FAM83F: variants seen among roughly 807,000 people sequenced by gnomAD.
The protein encoded by FAM83F is scaffolding CK1 anchoring protein F.
A neutral mutation model predicts 42.9 loss-of-function variants in FAM83F; 45 were observed. The ratio of observed to expected loss-of-function variants is 1.05; its 90% CI spans 0.83 to 1.35. The LOEUF is 1.35. FAM83F is among the 40% of genes most tolerant of loss of function. The pLI is 0.00. For missense variants in FAM83F, 617 were observed against 695.9 expected, an observed-to-expected ratio of 0.89 and a Z score of 1.28; for synonymous variants, 306 against 298.3, an observed-to-expected ratio of 1.03 and a Z score of -0.27.
rs938602620 is a variant in FAM83F, at chr22:40,035,226, A to G, written c.*5661A>G. On this transcript the variant is annotated 3_prime_UTR_variant, in exon 5 of 5. Coordinates refer to ENST00000333407, the MANE Select transcript of FAM83F (RefSeq NM_138435.4). ...AAAGCAGCTTTAGGAGCAGATGTCCACGTAATAGAAGGAGATGGGCTAGGG... is the reference window on the plus strand; with the variant it reads ...AAAGCAGCTTTAGGAGCAGATGTCCGCGTAATAGAAGGAGATGGGCTAGGG... The G allele has an allele frequency of 6.6e-6, 1 of 152,218 alleles. No individual in the cohort carries two copies. The highest frequency in any genetic ancestry group is 1.5e-5 in the Non-Finnish European group (1 of 68,040). The allele number at this position is 152,218 out of a possible 1,614,324, so 9.4% of individuals were successfully genotyped here.
rs1394649837 is a variant in FAM83F, at chr22:40,036,152, T to C, written c.*6587T>C. The C allele has an allele frequency of 6.6e-6, 1 of 152,166 alleles. No individual in the cohort carries two copies. The highest frequency in any genetic ancestry group is 1.5e-5 in the Non-Finnish European group (1 of 68,032). The allele number at this position is 152,166 out of a possible 1,614,324, so 9.4% of individuals were successfully genotyped here. On this transcript the variant is annotated 3_prime_UTR_variant, in exon 5 of 5. Transcript: ENST00000333407. ...GATCTTCCATCCTCAGCTTCCCAAG[T>C]AGCTAGTAGTAGTAGTGGCTTGCAC... is the stretch of plus-strand genomic sequence containing the variant.
At chr22:39,999,939 C>A (rs1390131001) in intron 1 of FAM83F, among the ~76,000 whole-genome samples, 1 of 152,202 alleles carries the variant, frequency 6.6e-6, no homozygotes, top group Non-Finnish European at 1.5e-5. Context: ...ATTTTCAATC[C>A]AGAAGGTCCA....
chr22:40,024,842 C>T (rs2067542141), intron 4 of FAM83F, among the ~76,000 whole-genome samples: 1 of 152,198 alleles, frequency 6.6e-6, no homozygotes, highest in Non-Finnish European at 1.5e-5. Context: ...AAACAGCATG[C>T]AAATTTTTGC....
At position 40,029,616 on chromosome 22, in the gene FAM83F, T is replaced by C. The variant is rs1257891916; in HGVS notation, c.*51T>C. The C allele has an allele frequency of 6.3e-7, 1 of 1,594,254 alleles. No homozygotes were observed. The highest frequency in any genetic ancestry group is 1.7e-5 in the Admixed American group (1 of 57,634). ...GTGTGGATGCCTGCCTGCCCTGCCC[T>C]GTGCTGTGGAGAGCGCAGGTCGCAC... On this transcript the variant is annotated 3_prime_UTR_variant, in exon 5 of 5. Coordinates refer to ENST00000333407, the MANE Select transcript of FAM83F (RefSeq NM_138435.4).
intron 1 of FAM83F, chr22:39,999,088 A>C (rs2067384697): frequency 6.6e-6 from 1 of 152,268 alleles, no homozygotes; most frequent in South Asian, 2.1e-4. Context: ...TTTAGTGGAA[A>C]GCAGATACCT....
chr22:40,001,874 A>G (rs776857820), intron 1 of FAM83F, among the ~76,000 whole-genome samples: 15 of 152,144 alleles, frequency 9.9e-5, no homozygotes, highest in Admixed American at 3.3e-4. Flanking sequence ...AGGTAGGGGA[A>G]TTGGGAGGGC....
At chr22:40,013,938 T>C (rs1230039743) in intron 1 of FAM83F, among the ~76,000 whole-genome samples, 1 of 151,970 alleles carries the variant, frequency 6.6e-6, no homozygotes, top group Non-Finnish European at 1.5e-5. Context: ...TTTCTTTCTT[T>C]TGGTTGATTA....
At chr22:40,005,459 G>A (rs972218621) in intron 1 of FAM83F, among the ~76,000 whole-genome samples, 1 of 152,248 alleles carries the variant, frequency 6.6e-6, no homozygotes, top group African/African-American at 2.4e-5. Context: ...GCAGGGAAAA[G>A]CTGGCCTAGG....
chr22:40,012,414 C>T lies in FAM83F; in HGVS notation c.490-6754C>T, dbSNP rs547204391. ...CCTCCCAAAGTGTTGGGATTACAGG[C>T]GTGAGCCACTGCACCCAGCCATCTC... On this transcript the variant is annotated intron_variant, in intron 1 of 4. Coordinates refer to ENST00000333407, the MANE Select transcript of FAM83F (RefSeq NM_138435.4). 4.6e-4 allele frequency among the ~76,000 whole-genome samples: 70 copies of T among 152,182 alleles called. 1 individual carries two copies. Among genetic ancestry groups the T allele is most frequent in the South Asian group, 3.5e-3 (17 of 4,818 alleles).
At chr22:40,012,367 T>G (rs2067469918) in intron 1 of FAM83F, among the ~76,000 whole-genome samples, 1 of 151,836 alleles carries the variant, frequency 6.6e-6, no homozygotes, top group South Asian at 2.1e-4. Flanking sequence ...ACTCCTGACC[T>G]CAGGTGATCC....
Position 40,010,946 on chromosome 22 carries a change from T to C in FAM83F, c.490-8222T>C, listed in dbSNP as rs151013950. Reference sequence around the variant, plus strand: ...AACTGTGCCAGCCCAGCTGGAGGACTCGAAGGTGGTTTTGGTTTGGTTGGT... The same window carrying C: ...AACTGTGCCAGCCCAGCTGGAGGACCCGAAGGTGGTTTTGGTTTGGTTGGT... On this transcript the variant is annotated intron_variant, in intron 1 of 4. Transcript: ENST00000333407. 4.5e-3 allele frequency among the ~76,000 whole-genome samples: 678 copies of C among 152,334 alleles called. 3 individuals are homozygous for C. The highest frequency in any genetic ancestry group is 6.8e-3 in the Non-Finnish European group (463 of 68,030).
At chr22:40,003,781 A>G (rs2067413604) in intron 1 of FAM83F, among the ~76,000 whole-genome samples, 1 of 152,212 alleles carries the variant, frequency 6.6e-6, no homozygotes, top group Non-Finnish European at 1.5e-5. Context: ...TCTCTGGCCC[A>G]GGTTTCCAAT....
At chr22:40,024,875 A>G (rs996458177) in intron 4 of FAM83F, among the ~76,000 whole-genome samples, 1 of 152,210 alleles carries the variant, frequency 6.6e-6, no homozygotes, top group African/African-American at 2.4e-5. Context: ...GGCCCTTGGG[A>G]GAACCTTAGG....
rs1365115493 is a variant in FAM83F, at chr22:40,030,665, C to G, written c.*1100C>G. 1.3e-5 allele frequency: 2 copies of G among 152,302 alleles called. No homozygotes were observed. Among genetic ancestry groups the G allele is most frequent in the African/African-American group, 4.8e-5 (2 of 41,442 alleles). 9.4% of individuals were successfully genotyped at this position (152,302 alleles called of 1,614,324 possible). ...GGCCCAGTAAGCAATTCCATTCTGC[C>G]TTCCCCACTTGGGTGACTGGAGAGG... On this transcript the variant is annotated 3_prime_UTR_variant, in exon 5 of 5. Coordinates refer to ENST00000333407, the MANE Select transcript of FAM83F (RefSeq NM_138435.4).
At chr22:39,996,967 G>A (rs548593948) in intron 1 of FAM83F, among the ~76,000 whole-genome samples, 2 of 152,282 alleles carry the variant, frequency 1.3e-5, no homozygotes, top group East Asian at 3.9e-4. Flanking sequence ...TACTAACAAA[G>A]CCTCTATTTA....
chr22:40,010,270 G>T (rs573184789), intron 1 of FAM83F: 1 of 152,326 alleles, frequency 6.6e-6, no homozygotes, highest in Admixed American at 6.5e-5. Context: ...AGTTCGCTCG[G>T]TGTGGGGAAT....
chr22:40,028,306 G>A (rs1162358681), intron 4 of FAM83F, among the ~76,000 whole-genome samples: 14 of 152,244 alleles, frequency 9.2e-5, no homozygotes, highest in Admixed American at 6.5e-4. Flanking sequence ...GTGTGGCAGG[G>A]CAGGGCTCCA....
At position 40,037,786 on chromosome 22, in the gene FAM83F, T is replaced by C. The variant is rs897246714; in HGVS notation, c.*8221T>C. 6.6e-6 allele frequency: 1 copy of C among 152,118 alleles called. No homozygotes were observed. Among genetic ancestry groups the C allele is most frequent in the Non-Finnish European group, 1.5e-5 (1 of 68,050 alleles). 9.4% of individuals were successfully genotyped at this position (152,118 alleles called of 1,614,324 possible). ...AGGTTGGAGTGCAATGACATAATCA[T>C]AACTCACCGCAACCTCAAACTCCTA... On this transcript the variant is annotated 3_prime_UTR_variant, in exon 5 of 5. Coordinates refer to ENST00000333407, the MANE Select transcript of FAM83F (RefSeq NM_138435.4).
intron 4 of FAM83F, among the ~76,000 whole-genome samples, chr22:40,025,344 G>A (rs1216237999): frequency 6.6e-6 from 1 of 152,044 alleles, no homozygotes; most frequent in African/African-American, 2.4e-5. Flanking sequence ...ACTTGAGCCT[G>A]GGAAGTCGAG....
Sources: allele counts gnomAD v4.1 joint callset (sites outside exome capture counted in the v4.1 genomes callset), GRCh38; gene constraint gnomAD v4.1.1; transcripts MANE v1.5; gene names NCBI Gene and HGNC (gene_info 2026-07-23, HGNC 2026-07-21).